Variants in PTPRN2 observed in about 807,000 individuals in gnomAD.
The protein encoded by PTPRN2 is receptor-type tyrosine-protein phosphatase N2.
Under a neutral mutation model 118.8 loss-of-function variants are expected in PTPRN2, and 74 were observed. The ratio of observed to expected loss-of-function variants is 0.62; its 90% CI spans 0.52 to 0.76. The LOEUF (loss-of-function observed/expected upper bound fraction) is 0.76. PTPRN2 is among the 30% of genes least tolerant of loss of function. The probability of loss-of-function intolerance (pLI) is 0.00; values close to 1 mark genes in which losing one functional copy is unlikely to be tolerated. For synonymous variants in PTPRN2, 641 were observed against 608.0 expected (o/e 1.05, Z -0.80); for missense variants, 1,481 against 1,394.4 (o/e 1.06, Z -0.99).
At chr7:158,130,015 C>T (rs1335191116) in intron 9 of PTPRN2, among the ~76,000 whole-genome samples, 1 of 152,212 alleles carries the variant, frequency 6.6e-6, no homozygotes, top group Non-Finnish European at 1.5e-5. Flanking sequence ...CTGCTTACAA[C>T]TTACCTAAAG....
chr7:158,359,601 A>G (rs1390601498), intron 2 of PTPRN2, among the ~76,000 whole-genome samples: 1 of 152,212 alleles, frequency 6.6e-6, no homozygotes, highest in East Asian at 1.9e-4. Flanking sequence ...GATTAAACAT[A>G]ATAATAATTC....
chr7:158,108,971 T>C (rs886465831), intron 10 of PTPRN2, among the ~76,000 whole-genome samples: 2 of 152,106 alleles, frequency 1.3e-5, no homozygotes, highest in African/African-American at 4.8e-5. Flanking sequence ...AGTGAGTGAA[T>C]GACATCAGCC....
At position 158,161,873 on chromosome 7, in the gene PTPRN2, C is replaced by T. The variant is rs952117771; in HGVS notation, c.910+5058G>A. Among the ~76,000 whole-genome samples, 83 of 152,112 alleles carry T rather than the reference C, an allele frequency of 5.5e-4. 1 individual carries two copies. Among genetic ancestry groups the T allele is most frequent in the African/African-American group, 1.8e-3 (76 of 41,414 alleles). ...GACCAATATCTAAAATATTCAAGAA[C>T]TTTACAAACTCAACAATAAGAAAAC... is the stretch of plus-strand genomic sequence containing the variant. On this transcript the variant is annotated intron_variant, in intron 6 of 22. Coordinates refer to ENST00000389418, the MANE Select transcript of PTPRN2 (RefSeq NM_002847.5).
At chr7:157,847,128 G>A (rs1169116967) in intron 12 of PTPRN2, among the ~76,000 whole-genome samples, 1 of 139,184 alleles carries the variant, frequency 7.2e-6, no homozygotes, top group South Asian at 2.5e-4. Flanking sequence ...GATGTCTACA[G>A]AGCCCTCTCT....
intron 14 of PTPRN2, among the ~76,000 whole-genome samples, chr7:157,645,585 C>T (rs758196444): frequency 6.6e-6 from 1 of 152,206 alleles, no homozygotes; most frequent in African/African-American, 2.4e-5. Flanking sequence ...TACTAGGAGA[C>T]AGTAAATTTC....
rs1454013066 is a variant in PTPRN2 at position 157,964,488 on chromosome 7, T to C, written c.1724-65751A>G. ...TCAAGACAGTTAAACTTGAGGGTGA[T>C]TTGGGAATGAGGGGAATTCATCCAT... On this transcript the variant is annotated intron_variant, in intron 11 of 22. Coordinates refer to ENST00000389418, the MANE Select transcript of PTPRN2 (RefSeq NM_002847.5). This position sits in a 1 kb window ranked among gnomAD's most constrained non-coding sequence, Gnocchi z 9.0. Among the ~76,000 whole-genome samples, 1 of 151,900 alleles carries C rather than the reference T, an allele frequency of 6.6e-6. No homozygotes were observed. Among genetic ancestry groups the C allele is most frequent in the African/African-American group, 2.4e-5 (1 of 41,336 alleles).
intron 12 of PTPRN2, among the ~76,000 whole-genome samples, chr7:157,758,174 G>C (rs1173127492): frequency 6.6e-6 from 1 of 152,240 alleles, no homozygotes; most frequent in African/African-American, 2.4e-5. Flanking sequence ...GGCCGGTTGC[G>C]GGGAAGAAAA....
At chr7:158,035,194 T>C (rs1808006384) in intron 11 of PTPRN2, among the ~76,000 whole-genome samples, 1 of 152,242 alleles carries the variant, frequency 6.6e-6, no homozygotes, top group African/African-American at 2.4e-5. Context: ...TATGCACTTT[T>C]AAATACTCTC....
At chr7:158,541,605 A>G in intron 1 of PTPRN2, 1 of 1,351,120 alleles carries the variant, frequency 7.4e-7, no homozygotes, top group Admixed American at 1.9e-5. Flanking sequence ...TTCCACAGCC[A>G]TCTGGCTGTC....
At position 157,619,505 on chromosome 7, in the gene PTPRN2, G is replaced by A. The variant is rs960282923; in HGVS notation, c.2344+1857C>T. The stretch of plus-strand genomic sequence containing the variant: ...GTTAGTAGCCCCCGACACAGGGCCG[G>A]TGCTTAGTAAATATCTGTTAGTTGG... On this transcript the variant is annotated intron_variant, in intron 15 of 22. Coordinates refer to ENST00000389418, the MANE Select transcript of PTPRN2 (RefSeq NM_002847.5). This position sits in a 1 kb window ranked among gnomAD's most constrained non-coding sequence, Gnocchi z 5.3. Among the ~76,000 whole-genome samples the A allele has an allele frequency of 2.0e-5, 3 of 152,158 alleles. No homozygotes were observed. In the East Asian group the frequency reaches 5.8e-4, roughly 29 times the overall value.
intron 2 of PTPRN2, among the ~76,000 whole-genome samples, chr7:158,368,599 G>A (rs1809712912): frequency 1.3e-5 from 2 of 152,176 alleles, no homozygotes; most frequent in Admixed American, 6.5e-5. Context: ...AATGACAGGT[G>A]TGGAAGCCAG....
At chr7:157,826,180 C>T (rs915469900) in intron 12 of PTPRN2, among the ~76,000 whole-genome samples, 7 of 151,444 alleles carry the variant, frequency 4.6e-5, no homozygotes, top group East Asian at 2.0e-4. Flanking sequence ...GCCATTTCCA[C>T]GCGTGCTGTG....
intron 10 of PTPRN2, among the ~76,000 whole-genome samples, chr7:158,106,272 CTCTA>C (rs1815673312): frequency 6.6e-6 from 1 of 152,118 alleles, no homozygotes. Context: ...TCCATTTCTG[CTCTA>C]TCTCATTTTT....
At chr7:158,034,561 C>T (rs538838033) in intron 11 of PTPRN2, among the ~76,000 whole-genome samples, 1 of 152,346 alleles carries the variant, frequency 6.6e-6, no homozygotes, top group East Asian at 1.9e-4. Flanking sequence ...TGAGGCCTCC[C>T]CAGCCACATG....
rs1395516519 is a variant in PTPRN2 at position 157,779,180 on chromosome 7, A to T, written c.1789-96243T>A. Among the ~76,000 whole-genome samples the T allele has an allele frequency of 2.0e-5, 3 of 152,126 alleles. No individual in the cohort carries two copies. Among genetic ancestry groups the T allele is most frequent in the African/African-American group, 7.2e-5 (3 of 41,420 alleles). On this transcript the variant is annotated intron_variant, in intron 12 of 22. Coordinates refer to ENST00000389418, the MANE Select transcript of PTPRN2 (RefSeq NM_002847.5). The surrounding 1 kb of genome is among the most constrained non-coding windows in gnomAD (Gnocchi z 4.7). ...ATATAGAGGTAGTAGCGCTACATTG[A>T]GGATGCTGGACACGGCTTATCTCCT... is the stretch of plus-strand genomic sequence containing the variant.
intron 11 of PTPRN2, among the ~76,000 whole-genome samples, chr7:158,020,333 C>T (rs1253518204): frequency 6.6e-6 from 1 of 152,242 alleles, no homozygotes; most frequent in East Asian, 1.9e-4. Context: ...AGACTTCTTA[C>T]AGTGAGTGGG....
At chr7:158,171,841 G>A (rs1164396877) in intron 5 of PTPRN2, among the ~76,000 whole-genome samples, 1 of 152,174 alleles carries the variant, frequency 6.6e-6, no homozygotes, top group African/African-American at 2.4e-5. Flanking sequence ...CTAAGACAAT[G>A]TGGAATAATT....
At chr7:158,353,944 C>T (rs899936681) in intron 2 of PTPRN2, among the ~76,000 whole-genome samples, 1 of 152,190 alleles carries the variant, frequency 6.6e-6, no homozygotes, top group Admixed American at 6.5e-5. Flanking sequence ...GGGCTACTGT[C>T]CCCAGCCCTG....
rs1043278542 is a variant in PTPRN2, at chr7:157,888,050, G to A, written c.1788+10623C>T. On this transcript the variant is annotated intron_variant, in intron 12 of 22. Coordinates refer to ENST00000389418, the MANE Select transcript of PTPRN2 (RefSeq NM_002847.5). ...ATGCCACAGGCTCCCTGAAACGCAC[G>A]CTGTCTTGGGGGGTGTGAGTGAATG... Among the ~76,000 whole-genome samples, 16 of 110,448 alleles carry A rather than the reference G, an allele frequency of 1.4e-4. 1 individual carries two copies. Among genetic ancestry groups the A allele is most frequent in the Admixed American group, 6.1e-4 (7 of 11,446 alleles). 72.5% of individuals were successfully genotyped at this position (110,448 alleles called of 152,430 possible). A position where few individuals can be genotyped will look rare whatever the true frequency, so the allele number is the denominator to read the frequency against.
Sources: allele counts gnomAD v4.1 joint callset (sites outside exome capture counted in the v4.1 genomes callset), GRCh38; gene constraint gnomAD v4.1.1; non-coding constraint Gnocchi (gnomAD v3.1); transcripts MANE v1.5; gene names NCBI Gene and HGNC (gene_info 2026-07-23, HGNC 2026-07-21).